STAG1: variants seen among roughly 807,000 people sequenced by gnomAD.
The protein encoded by STAG1 is STAG1 cohesin complex component, also known as cohesin subunit SA-1.
STAG1 carries 26 observed loss-of-function variants against 170.9 expected under a neutral mutation model. That is an observed-to-expected ratio of 0.15 (90% CI 0.11 to 0.21). The LOEUF (loss-of-function observed/expected upper bound fraction) is 0.21, where lower values mean the gene tolerates loss of function less well. Ranked by LOEUF, STAG1 falls within the 10% of genes least tolerant of loss-of-function variation. The pLI, the probability that STAG1 is intolerant of heterozygous loss-of-function variation, is 1.00. For synonymous variants in STAG1, 514 were observed against 497.7 expected (o/e 1.03, Z -0.44); for missense variants, 964 against 1,509.5 (o/e 0.64, Z 5.99).
intron 21 of STAG1, among the ~76,000 whole-genome samples, chr3:136,400,281 G>A (rs1448339273): frequency 6.6e-6 from 1 of 151,912 alleles, no homozygotes; most frequent in Non-Finnish European, 1.5e-5. Flanking sequence ...AGGCTGCAGT[G>A]CAGTGGCGTG....
rs2089285320 is a variant in STAG1 at position 136,461,923 on chromosome 3, G to A, written c.1313+2958C>T. ...ACATTTCTCAAAGGAAGACATACCA[G>A]TGGCCAACTGGTATACAAAAAGTGC... On this transcript the variant is annotated intron_variant, in intron 13 of 33. Coordinates refer to ENST00000383202, the MANE Select transcript of STAG1 (RefSeq NM_005862.3). Among the ~76,000 whole-genome samples, 2 of 152,090 alleles carry A rather than the reference G, an allele frequency of 1.3e-5. 1 individual carries two copies. The highest frequency in any genetic ancestry group is 2.9e-5 in the Non-Finnish European group (2 of 68,006).
At chr3:136,750,495 G>A (rs1935174041) in intron 1 of STAG1, among the ~76,000 whole-genome samples, 1 of 152,168 alleles carries the variant, frequency 6.6e-6, no homozygotes, top group Admixed American at 6.5e-5. Flanking sequence ...CTTCAAAGGA[G>A]GCAATCCTAG....
At chr3:136,672,247 CTT>C (rs1305260780) in intron 1 of STAG1, among the ~76,000 whole-genome samples, 1 of 152,202 alleles carries the variant, frequency 6.6e-6, no homozygotes, top group Non-Finnish European at 1.5e-5. Context: ...AATTACCACT[CTT>C]GTTAAACACA....
intron 1 of STAG1, among the ~76,000 whole-genome samples, chr3:136,740,062 T>C (rs1304464313): frequency 1.3e-5 from 2 of 152,042 alleles, no homozygotes; most frequent in African/African-American, 4.8e-5. Flanking sequence ...ATATCAATTA[T>C]ACAGTACATT....
intron 20 of STAG1, among the ~76,000 whole-genome samples, chr3:136,418,505 T>C (rs1470017879): frequency 2.7e-5 from 4 of 148,768 alleles, no homozygotes; most frequent in South Asian, 2.1e-4. Context: ...AAGAAAGAGA[T>C]GATTCTATGA....
In STAG1 at chr3:136,467,936, T is replaced by A. The variant is rs539159732; in HGVS notation, c.1206-2948A>T. Among the ~76,000 whole-genome samples the A allele has an allele frequency of 7.8e-4, 118 of 152,214 alleles. 1 individual carries two copies. In the South Asian group the frequency reaches 0.023, roughly 30 times the overall value. The stretch of plus-strand genomic sequence containing the variant: ...TGGGTACATAACGAAATGAAGGCAG[T>A]AATAAAGATGTTCTTTGAAACCAAT... On this transcript the variant is annotated intron_variant, in intron 12 of 33. Coordinates refer to ENST00000383202, the MANE Select transcript of STAG1 (RefSeq NM_005862.3).
intron 1 of STAG1, among the ~76,000 whole-genome samples, chr3:136,687,004 A>G (rs1214048287): frequency 1.3e-5 from 2 of 152,190 alleles, no homozygotes; most frequent in Non-Finnish European, 1.5e-5. Context: ...GGATCTAACA[A>G]CTGGGACCAT....
At chr3:136,517,744 T>C (rs557933212) in intron 7 of STAG1, among the ~76,000 whole-genome samples, 1 of 151,946 alleles carries the variant, frequency 6.6e-6, no homozygotes, top group Non-Finnish European at 1.5e-5. Context: ...ATAAATTAAA[T>C]CCACAAACTG....
intron 4 of STAG1, among the ~76,000 whole-genome samples, chr3:136,576,578 G>A (rs1404579355): frequency 6.6e-6 from 1 of 151,964 alleles, no homozygotes; most frequent in African/African-American, 2.4e-5. Flanking sequence ...AGGAATATGA[G>A]GTAGTTAAAA....
At chr3:136,485,450 C>T (rs2089988811) in intron 9 of STAG1, among the ~76,000 whole-genome samples, 1 of 151,912 alleles carries the variant, frequency 6.6e-6, no homozygotes, top group Non-Finnish European at 1.5e-5. Context: ...GAGTGAGATT[C>T]TGTCTAAAAA....
intron 13 of STAG1, among the ~76,000 whole-genome samples, chr3:136,461,772 G>T (rs1033793932): frequency 1.3e-5 from 2 of 151,940 alleles, no homozygotes; most frequent in African/African-American, 4.8e-5. Context: ...CTGCAGAGTG[G>T]GTGAAAATAT....
chr3:136,477,271 T>A lies in STAG1; in HGVS notation c.1026+18A>T. 1 of 1,604,318 alleles carries A rather than the reference T, an allele frequency of 6.2e-7. No individual in the cohort carries two copies. The highest frequency in any genetic ancestry group is 8.5e-7 in the Non-Finnish European group (1 of 1,176,322). ...GACAAACATAACTTCCATCAAAGCT[T>A]AGAACAGAGTAACTTACCCTGTCAT... On this transcript the variant is annotated intron_variant, in intron 10 of 33. Transcript: ENST00000383202.
Position 136,540,078 on chromosome 3 carries a change from C to A in STAG1, c.471+2041G>T, listed in dbSNP as rs895814175. On this transcript the variant is annotated intron_variant, in intron 6 of 33. Transcript: ENST00000383202. Reference sequence around the variant, plus strand: ...TTTAATAAAGCTAACCTCCTCAACTCCCACAAAACCAAATGACATATATAG... The same window carrying A: ...TTTAATAAAGCTAACCTCCTCAACTACCACAAAACCAAATGACATATATAG... 4.0e-5 allele frequency among the ~76,000 whole-genome samples: 6 copies of A among 151,766 alleles called. No homozygotes were observed. The East Asian group carries it at 7.7e-4, about 19-fold the overall frequency.
At chr3:136,707,295 C>T (rs888964224) in intron 1 of STAG1, among the ~76,000 whole-genome samples, 5 of 152,122 alleles carry the variant, frequency 3.3e-5, no homozygotes, top group Non-Finnish European at 7.4e-5. Flanking sequence ...AAAATACTTA[C>T]GGGTCCAGTA....
intron 1 of STAG1, among the ~76,000 whole-genome samples, chr3:136,646,919 T>A (rs962555106): frequency 3.3e-5 from 5 of 151,630 alleles, no homozygotes; most frequent in East Asian, 1.9e-4. Context: ...CTGAAAAAAA[T>A]ATATAATAAT....
chr3:136,629,537 AAAAG>A (rs1411948905), intron 2 of STAG1, among the ~76,000 whole-genome samples: 2 of 151,934 alleles, frequency 1.3e-5, no homozygotes, highest in Non-Finnish European at 2.9e-5. Context: ...ACAGGGGTAA[AAAAG>A]AAATAAGTAG....
intron 21 of STAG1, 107 bp from the exon 22 acceptor site, chr3:136,398,936 T>G: frequency 1.9e-6 from 1 of 532,680 alleles, no homozygotes; most frequent in Non-Finnish European, 3.0e-6. Context: ...TTTTATAGTA[T>G]AGCTTCAAGT....
At chr3:136,580,368 G>A (rs1296736627) in intron 4 of STAG1, among the ~76,000 whole-genome samples, 1 of 151,900 alleles carries the variant, frequency 6.6e-6, no homozygotes, top group Non-Finnish European at 1.5e-5. Context: ...TAAAAAAACA[G>A]AAAAACTGTG....
At chr3:136,466,749 G>T (rs556446800) in intron 12 of STAG1, among the ~76,000 whole-genome samples, 94 of 152,300 alleles carry the variant, frequency 6.2e-4, no homozygotes, top group African/African-American at 2.2e-3. Flanking sequence ...AGGGCAGCCA[G>T]AGAGAAAGGT....
Sources: gnomAD v4.1 joint callset for allele counts (sites outside exome capture counted in the v4.1 genomes callset) on GRCh38, gnomAD v4.1.1 for gene constraint, MANE v1.5 for transcripts, NCBI Gene and HGNC (gene_info 2026-07-23, HGNC 2026-07-21) for gene names.